The following SLC38A12 variants were observed in gnomAD, a reference collection of about 807,000 sequenced individuals.
The protein encoded by SLC38A12 is solute carrier family 38 member 12.
chr17:74,827,890 AT>A, the SLC38A12 span, among the ~76,000 whole-genome samples: 1 of 146,286 alleles, frequency 6.8e-6, no homozygotes, highest in Non-Finnish European at 1.5e-5. The surrounding 1 kb of genome is among the most constrained non-coding windows in gnomAD (Gnocchi z 4.7). Flanking sequence ...TCAGGCTGGT[AT>A]TACGCACCCA....
chr17:74,783,307 T>C, the SLC38A12 span, among the ~76,000 whole-genome samples: 1 of 152,126 alleles, frequency 6.6e-6, no homozygotes, highest in Non-Finnish European at 1.5e-5. Context: ...ACGGCCACAG[T>C]GAGCTTCATA....
the SLC38A12 span, among the ~76,000 whole-genome samples, chr17:74,815,722 G>A: frequency 2.6e-5 from 4 of 152,214 alleles, no homozygotes; most frequent in African/African-American, 7.2e-5. Flanking sequence ...CTCAGCAGGC[G>A]TGAGTTGAGC....
the SLC38A12 span, among the ~76,000 whole-genome samples, chr17:74,787,283 G>A: frequency 6.6e-6 from 1 of 151,706 alleles, no homozygotes; most frequent in Non-Finnish European, 1.5e-5. Flanking sequence ...AACACTCAGG[G>A]AGAGGCAGGG....
the SLC38A12 span, chr17:74,790,066 A>G: frequency 1.3e-5 from 9 of 667,514 alleles, no homozygotes; most frequent in Admixed American, 4.3e-5. Context: ...TGATCCTCCC[A>G]TCTCAGCCTC....
chr17:74,835,072 G>T, the SLC38A12 span, among the ~76,000 whole-genome samples: 1 of 152,198 alleles, frequency 6.6e-6, no homozygotes, highest in African/African-American at 2.4e-5. Flanking sequence ...ACCGTAAAGG[G>T]CTGCGAACTG....
At chr17:74,787,012 GTC>G in the SLC38A12 span, among the ~76,000 whole-genome samples, 1,345 of 152,280 alleles carry the variant, frequency 8.8e-3, 15 homozygotes, top group African/African-American at 0.03. Context: ...ACCATGAAAA[GTC>G]TCTTTATGCC....
the SLC38A12 span, among the ~76,000 whole-genome samples, chr17:74,810,585 T>C: frequency 6.7e-6 from 1 of 150,206 alleles, no homozygotes; most frequent in Non-Finnish European, 1.5e-5. Flanking sequence ...AGATTGGCAC[T>C]GTCTGTCATG....
the SLC38A12 span, among the ~76,000 whole-genome samples, chr17:74,799,278 G>C: frequency 3.3e-5 from 5 of 152,244 alleles, no homozygotes; most frequent in African/African-American, 1.2e-4. Flanking sequence ...GGTCGCAGGT[G>C]GCCCGGCAGG....
At chr17:74,821,279 C>T in the SLC38A12 span, among the ~76,000 whole-genome samples, 1 of 152,246 alleles carries the variant, frequency 6.6e-6, no homozygotes, top group Non-Finnish European at 1.5e-5. Context: ...CCTAGCCCGT[C>T]CTTGGGCATC....
At chr17:74,830,198 T>A in the SLC38A12 span, among the ~76,000 whole-genome samples, 2 of 152,234 alleles carry the variant, frequency 1.3e-5, no homozygotes, top group African/African-American at 2.4e-5. Context: ...CTACAAGGGC[T>A]TGGCCCAGTC....
the SLC38A12 span, among the ~76,000 whole-genome samples, chr17:74,802,315 G>C: frequency 6.6e-6 from 1 of 152,174 alleles, no homozygotes; most frequent in African/African-American, 2.4e-5. Flanking sequence ...AGAGGATGAT[G>C]CCTAGTCCCC....
the SLC38A12 span, chr17:74,835,978 G>A: frequency 1.2e-6 from 2 of 1,612,018 alleles, no homozygotes; most frequent in Non-Finnish European, 1.7e-6. Context: ...CACGGACAAG[G>A]GGAGGGGCAC....
chr17:74,796,706 T>C, the SLC38A12 span, among the ~76,000 whole-genome samples: 2 of 152,230 alleles, frequency 1.3e-5, no homozygotes, highest in African/African-American at 4.8e-5. Flanking sequence ...GCTAGCAGTT[T>C]AGTAGGCTGC....
At chr17:74,812,705 T>TC in the SLC38A12 span, among the ~76,000 whole-genome samples, 1 of 152,128 alleles carries the variant, frequency 6.6e-6, no homozygotes, top group African/African-American at 2.4e-5. Context: ...GCCCGAGTGC[T>TC]CCGTGGTCAG....
At chr17:74,830,234 C>T in the SLC38A12 span, among the ~76,000 whole-genome samples, 4 of 152,226 alleles carry the variant, frequency 2.6e-5, no homozygotes, top group African/African-American at 9.6e-5. Flanking sequence ...CAATAAGGCC[C>T]CCTTCTTTCC....
chr17:74,784,266 A>G, the SLC38A12 span, among the ~76,000 whole-genome samples: 1 of 152,320 alleles, frequency 6.6e-6, no homozygotes, highest in South Asian at 2.1e-4. Context: ...TATGTCACCC[A>G]ATTTAGCAGA....
At chr17:74,830,539 A>G in the SLC38A12 span, among the ~76,000 whole-genome samples, 2 of 152,214 alleles carry the variant, frequency 1.3e-5, no homozygotes, top group Non-Finnish European at 2.9e-5. Flanking sequence ...CTCGGATGTT[A>G]TAAGAACATA....
the SLC38A12 span, chr17:74,777,148 C>T: frequency 1.5e-6 from 1 of 679,862 alleles, no homozygotes; most frequent in Non-Finnish European, 2.6e-6. Context: ...GTGACAGATA[C>T]TGAGGCCCTA....
chr17:74,796,685 A>AT, the SLC38A12 span, among the ~76,000 whole-genome samples: 1 of 152,230 alleles, frequency 6.6e-6, no homozygotes, highest in Admixed American at 6.5e-5. Flanking sequence ...TCTCCTGCAC[A>AT]TTCATCTGTG....
Sources: gnomAD v4.1 joint callset for allele counts (sites outside exome capture counted in the v4.1 genomes callset) on GRCh38, gnomAD v4.1.1 for gene constraint, Gnocchi (gnomAD v3.1) non-coding constraint, MANE v1.5 for transcripts, NCBI Gene and HGNC (gene_info 2026-07-23, HGNC 2026-07-21) for gene names.